The following IPO11 variants were observed in gnomAD, a reference collection of about 807,000 sequenced individuals.
The protein encoded by IPO11 is importin-11.
Under a neutral mutation model 143.2 loss-of-function variants are expected in IPO11, and 66 were observed. The observed-to-expected ratio is 0.46, with a 90% CI of 0.38 to 0.57. The LOEUF (loss-of-function observed/expected upper bound fraction) is 0.57, where lower values mean the gene tolerates loss of function less well. Among genes scored for constraint, IPO11 ranks in the 20% least tolerant of loss-of-function variants. The pLI, the probability that IPO11 is intolerant of heterozygous loss-of-function variation, is 0.00. For synonymous variants in IPO11, 385 were observed against 377.8 expected (o/e 1.02, Z -0.22); for missense variants, 1,026 against 1,141.0 (o/e 0.90, Z 1.45).
intron 12 of IPO11, among the ~76,000 whole-genome samples, chr5:62,486,934 CT>C (rs1427799543): frequency 6.6e-6 from 1 of 151,830 alleles, no homozygotes; most frequent in Non-Finnish European, 1.5e-5. Context: ...TATAATGTTC[CT>C]TTTAAAACAC....
chr5:62,413,363 C>T (rs551289180), intron 1 of IPO11: 5 of 152,290 alleles, frequency 3.3e-5, no homozygotes, highest in Admixed American at 6.5e-5. Flanking sequence ...AGTGTGATAG[C>T]TTTAAACATT....
At chr5:62,534,204 T>C (rs1262254215) in intron 22 of IPO11, among the ~76,000 whole-genome samples, 1 of 152,208 alleles carries the variant, frequency 6.6e-6, no homozygotes, top group Non-Finnish European at 1.5e-5. Context: ...AATGGCTTTT[T>C]TTCTTTAAAT....
intron 28 of IPO11, among the ~76,000 whole-genome samples, chr5:62,592,735 G>A (rs763396333): frequency 6.6e-6 from 1 of 152,076 alleles, no homozygotes. Context: ...CGTGGCGGCA[G>A]GAAGGAGAAG....
chr5:62,437,498 G>C (rs1336214285), intron 2 of IPO11, 81 bp downstream of exon 2: 1 of 1,228,384 alleles, frequency 8.1e-7, no homozygotes, highest in African/African-American at 1.5e-5. Flanking sequence ...TAGTTTTATT[G>C]GTAGTTTAGT....
intron 27 of IPO11, among the ~76,000 whole-genome samples, chr5:62,568,522 C>A (rs1218040801): frequency 8.2e-6 from 1 of 121,966 alleles, no homozygotes; most frequent in Non-Finnish European, 1.6e-5. Flanking sequence ...TGCAGTGGGT[C>A]GAGATTGTGC....
intron 18 of IPO11, among the ~76,000 whole-genome samples, chr5:62,505,478 T>C (rs1336734284): frequency 2.0e-5 from 3 of 152,074 alleles, no homozygotes; most frequent in Admixed American, 2.0e-4. Context: ...AAAATGTACT[T>C]CTTTTGGTGA....
intron 4 of IPO11, among the ~76,000 whole-genome samples, chr5:62,450,442 G>A (rs754962849): frequency 2.3e-4 from 35 of 152,140 alleles, no homozygotes; most frequent in Non-Finnish European, 4.3e-4. Context: ...TTGTGGTGAT[G>A]TTGGTGTAAA....
intron 24 of IPO11, among the ~76,000 whole-genome samples, chr5:62,537,704 A>G (rs1742783620): frequency 6.6e-6 from 1 of 152,176 alleles, no homozygotes; most frequent in Non-Finnish European, 1.5e-5. Flanking sequence ...TGATAGCTTT[A>G]ATTTAAGTTG....
chr5:62,586,752 C>CAAA (rs763383085), intron 27 of IPO11, among the ~76,000 whole-genome samples: 6 of 60,484 alleles, frequency 9.9e-5, no homozygotes, highest in African/African-American at 4.0e-4. Flanking sequence ...ACTCAGTCTC[C>CAAA]AAAAAAAAAA....
At chr5:62,592,742 G>A (rs1248418013) in intron 28 of IPO11, among the ~76,000 whole-genome samples, 1 of 152,078 alleles carries the variant, frequency 6.6e-6, no homozygotes, top group Non-Finnish European at 1.5e-5. Context: ...GCAGGAAGGA[G>A]AAGTGCTGTG....
At chr5:62,600,803 GAT>G (rs1745478607) in intron 28 of IPO11, among the ~76,000 whole-genome samples, 2 of 152,170 alleles carry the variant, frequency 1.3e-5, no homozygotes, top group African/African-American at 4.8e-5. Flanking sequence ...CTTACTCTTT[GAT>G]CCCACCAGTG....
At position 62,566,355 on chromosome 5, in the gene IPO11, T is replaced by G. The variant is rs183610642; in HGVS notation, c.2582+5098T>G. Among the ~76,000 whole-genome samples, 395 of 152,374 alleles carry G rather than the reference T, an allele frequency of 2.6e-3. 3 individuals carry two copies. The highest frequency in any genetic ancestry group is 8.8e-3 in the African/African-American group (367 of 41,586). Reference sequence around the variant, plus strand: ...ATGAGATGGTATCTCATTGTGGTTCTGATTTGCATTTCTCTAATGATCAAT... The same window carrying G: ...ATGAGATGGTATCTCATTGTGGTTCGGATTTGCATTTCTCTAATGATCAAT... On this transcript the variant is annotated intron_variant, in intron 27 of 29. Coordinates refer to ENST00000325324, the MANE Select transcript of IPO11 (RefSeq NM_016338.5).
chr5:62,581,297 C>A (rs1037991497), intron 27 of IPO11: 2 of 1,514,018 alleles, frequency 1.3e-6, no homozygotes, highest in Non-Finnish European at 1.8e-6. Flanking sequence ...TTTGAACATT[C>A]TGCTTTATAA....
intron 27 of IPO11, among the ~76,000 whole-genome samples, chr5:62,570,124 C>T (rs933474935): frequency 1.3e-5 from 2 of 151,022 alleles, no homozygotes; most frequent in South Asian, 2.1e-4. Flanking sequence ...AGGGTGTAGA[C>T]GTGTTAGAAC....
At chr5:62,527,411 A>G (rs1232094640) in intron 21 of IPO11, among the ~76,000 whole-genome samples, 3 of 152,232 alleles carry the variant, frequency 2.0e-5, no homozygotes, top group Admixed American at 6.5e-5. Context: ...CTGTGCGCCA[A>G]TTAAACATCA....
chr5:62,477,178 T>C (rs1474324318), intron 9 of IPO11, among the ~76,000 whole-genome samples: 1 of 152,172 alleles, frequency 6.6e-6, no homozygotes, highest in Admixed American at 6.5e-5. Flanking sequence ...AGTGGAATTA[T>C]AGGGGGTGCG....
chr5:62,546,057 A>C (rs1221593669), intron 24 of IPO11, among the ~76,000 whole-genome samples: 1 of 152,226 alleles, frequency 6.6e-6, no homozygotes, highest in Non-Finnish European at 1.5e-5. Context: ...TCAAGGATCT[A>C]GAACTAGAAA....
At chr5:62,618,554 C>G (rs935705448) in intron 29 of IPO11, among the ~76,000 whole-genome samples, 10 of 151,970 alleles carry the variant, frequency 6.6e-5, no homozygotes, top group African/African-American at 2.4e-4. Context: ...ATAAACCTGG[C>G]CAATTTAATC....
intron 1 of IPO11, among the ~76,000 whole-genome samples, chr5:62,436,342 A>T (rs944574373): frequency 6.6e-6 from 1 of 152,216 alleles, no homozygotes; most frequent in Non-Finnish European, 1.5e-5. Flanking sequence ...TGTCTGGAAC[A>T]TTCTTCGGTC....
Sources: allele counts gnomAD v4.1 joint callset (sites outside exome capture counted in the v4.1 genomes callset), GRCh38; gene constraint gnomAD v4.1.1; transcripts MANE v1.5; gene names NCBI Gene and HGNC (gene_info 2026-07-23, HGNC 2026-07-21).